KLHDC10: variants seen among roughly 807,000 people sequenced by gnomAD.
KLHDC10 encodes kelch domain-containing protein 10.
A neutral mutation model predicts 56.1 loss-of-function variants in KLHDC10; 24 were observed. That is an observed-to-expected ratio of 0.43 (90% CI 0.31 to 0.60). The LOEUF (loss-of-function observed/expected upper bound fraction) is 0.60, where lower values mean the gene tolerates loss of function less well. KLHDC10 is among the 20% of genes least tolerant of loss of function. The pLI, the probability that KLHDC10 is intolerant of heterozygous loss-of-function variation, is 0.11. For synonymous variants in KLHDC10, 188 were observed against 207.1 expected, an observed-to-expected ratio of 0.91 and a Z score of 0.79; for missense variants, 349 against 567.0, an observed-to-expected ratio of 0.62 and a Z score of 3.91.
intron 1 of KLHDC10, among the ~76,000 whole-genome samples, chr7:130,083,117 T>A (rs1795631695): frequency 6.6e-6 from 1 of 152,244 alleles, no homozygotes; most frequent in South Asian, 2.1e-4. Flanking sequence ...AACTGACTTA[T>A]GAGTACCTCA....
chr7:130,074,853 C>T (rs990212397), intron 1 of KLHDC10, among the ~76,000 whole-genome samples: 1 of 152,118 alleles, frequency 6.6e-6, no homozygotes, highest in Admixed American at 6.6e-5. Flanking sequence ...TTGTGATCCA[C>T]CCACCTTGGC....
Position 130,130,277 on chromosome 7 carries a change from G to A in KLHDC10, c.1120-260G>A, listed in dbSNP as rs1353535416. The stretch of plus-strand genomic sequence containing the variant: ...GGAGAGCTTGCAGTGAGCTGAAATT[G>A]CGCCACTGCACTCCAGCCTGGGCGA... On this transcript the variant is annotated intron_variant, in intron 9 of 9. Transcript: ENST00000335420. This position sits in a 1 kb window ranked among gnomAD's most constrained non-coding sequence, Gnocchi z 4.2. Among the ~76,000 whole-genome samples the A allele has an allele frequency of 6.7e-6, 1 of 149,804 alleles. No individual in the cohort carries two copies. The highest frequency in any genetic ancestry group is 1.5e-5 in the Non-Finnish European group (1 of 67,784).
In KLHDC10 at chr7:130,130,142, C is replaced by G. The variant is rs1339494869; in HGVS notation, c.1120-395C>G. ...CCATCCTGGCTAACACGGATGAAACCCCATCTCTACTAAAAATACAAAAAA... is the reference window on the plus strand; with the variant it reads ...CCATCCTGGCTAACACGGATGAAACGCCATCTCTACTAAAAATACAAAAAA... On this transcript the variant is annotated intron_variant, in intron 9 of 9. Transcript: ENST00000335420. This position sits in a 1 kb window ranked among gnomAD's most constrained non-coding sequence, Gnocchi z 4.2. 7.3e-5 allele frequency among the ~76,000 whole-genome samples: 11 copies of G among 151,722 alleles called. No individual in the cohort carries two copies. Among genetic ancestry groups the G allele is most frequent in the Non-Finnish European group, 1.5e-4 (10 of 67,956 alleles).
intron 1 of KLHDC10, among the ~76,000 whole-genome samples, chr7:130,088,167 C>A (rs1267123515): frequency 2.0e-5 from 3 of 152,076 alleles, no homozygotes; most frequent in Non-Finnish European, 4.4e-5. Context: ...CCAATATAAG[C>A]TTTTATATCC....
At chr7:130,112,801 TGA>T (rs1453095951) in intron 2 of KLHDC10, among the ~76,000 whole-genome samples, 1 of 152,152 alleles carries the variant, frequency 6.6e-6, no homozygotes, top group African/African-American at 2.4e-5. Flanking sequence ...CTCTCAGCTA[TGA>T]GATTCCTTGA....
intron 8 of KLHDC10, among the ~76,000 whole-genome samples, chr7:130,128,889 A>AAAAAAAAAAAAAAATATATATATATAT: frequency 7.5e-5 from 5 of 66,954 alleles, no homozygotes; most frequent in South Asian, 5.5e-4. Flanking sequence ...AAAAAAAAAA[A>AAAAAAAAAAAAAAATATATATATATAT]ATATATATAT....
chr7:130,099,146 A>G (rs1795895526), intron 2 of KLHDC10, among the ~76,000 whole-genome samples: 1 of 151,744 alleles, frequency 6.6e-6, no homozygotes, highest in African/African-American at 2.4e-5. Context: ...TTTTCTTCCT[A>G]CCTCTTTGAT....
Position 130,101,269 on chromosome 7 carries a change from A to G in KLHDC10, c.253+4262A>G, listed in dbSNP as rs576252823. Among the ~76,000 whole-genome samples, 8 of 152,286 alleles carry G rather than the reference A, an allele frequency of 5.3e-5. No individual in the cohort carries two copies. In the South Asian group the frequency reaches 1.7e-3, roughly 32 times the overall value. On this transcript the variant is annotated intron_variant, in intron 2 of 9. Coordinates refer to ENST00000335420, the MANE Select transcript of KLHDC10 (RefSeq NM_014997.4). ...TGTTGAATTAGTGCTAGCTATCATT[A>G]TTGTTATTGTTAGAATGCCAGAAGT...
rs370620609 is a variant in KLHDC10 at position 130,102,271 on chromosome 7, G to T, written c.253+5264G>T. On this transcript the variant is annotated intron_variant, in intron 2 of 9. Coordinates refer to ENST00000335420, the MANE Select transcript of KLHDC10 (RefSeq NM_014997.4). ...ACAGACCTTCCATTTGGGTTTTGGA[G>T]GCAAATTAATACAACTGTTGAGGAA... Among the ~76,000 whole-genome samples, 584 of 152,244 alleles carry T rather than the reference G, an allele frequency of 3.8e-3. 5 individuals carry two copies. Among genetic ancestry groups the T allele is most frequent in the South Asian group, 0.013 (64 of 4,824 alleles).
chr7:130,114,659 G>C (rs1374964130), intron 2 of KLHDC10, among the ~76,000 whole-genome samples: 1 of 152,006 alleles, frequency 6.6e-6, no homozygotes, highest in Non-Finnish European at 1.5e-5. Flanking sequence ...ACTGATTATA[G>C]TTTGCCTGAT....
At chr7:130,129,242 G>C (rs1796363156) in intron 8 of KLHDC10, among the ~76,000 whole-genome samples, 195 bp from the exon 9 acceptor site, 1 of 152,104 alleles carries the variant, frequency 6.6e-6, no homozygotes, top group Admixed American at 6.5e-5. Context: ...TCCCAGGGAA[G>C]ACCCTGACAT....
intron 1 of KLHDC10, among the ~76,000 whole-genome samples, chr7:130,087,531 A>G (rs1476930355): frequency 1.3e-5 from 2 of 152,194 alleles, no homozygotes; most frequent in African/African-American, 2.4e-5. Flanking sequence ...ACTCACAAAA[A>G]AATGAGATAA....
chr7:130,088,090 A>C (rs1795716915), intron 1 of KLHDC10, among the ~76,000 whole-genome samples: 1 of 152,126 alleles, frequency 6.6e-6, no homozygotes, highest in Non-Finnish European at 1.5e-5. Flanking sequence ...AACTTTTAAA[A>C]TATCAGATAT....
chr7:130,123,063 C>G (rs924761338), intron 5 of KLHDC10, among the ~76,000 whole-genome samples: 1 of 144,360 alleles, frequency 6.9e-6, no homozygotes, highest in African/African-American at 2.7e-5. Flanking sequence ...ATGGAAAGGT[C>G]ATTCATTTTA....
chr7:130,093,488 A>G (rs536620228), intron 1 of KLHDC10, among the ~76,000 whole-genome samples: 336 of 152,220 alleles, frequency 2.2e-3, no homozygotes, highest in African/African-American at 7.5e-3. Flanking sequence ...AGCCTCCCAA[A>G]GTGCTGGGAG....
intron 9 of KLHDC10, 114 bp downstream of exon 9, chr7:130,129,690 C>A: frequency 1.0e-6 from 1 of 961,952 alleles, no homozygotes; most frequent in Non-Finnish European, 1.5e-6. Flanking sequence ...TGATTAATAA[C>A]ATATTTTTAA....
At chr7:130,077,774 C>G (rs1277475459) in intron 1 of KLHDC10, among the ~76,000 whole-genome samples, 2 of 151,940 alleles carry the variant, frequency 1.3e-5, no homozygotes, top group African/African-American at 2.4e-5. Context: ...CCAGGATGGT[C>G]TCGATCTCCT....
intron 1 of KLHDC10, among the ~76,000 whole-genome samples, chr7:130,077,810 C>T (rs1795536068): frequency 6.6e-6 from 1 of 151,838 alleles, no homozygotes; most frequent in South Asian, 2.1e-4. Context: ...CGGCCTCGGC[C>T]TCCCAAAGTG....
At chr7:130,122,278 A>G (rs1385042501) in intron 5 of KLHDC10, 76 bp downstream of exon 5, 1 of 1,414,630 alleles carries the variant, frequency 7.1e-7, no homozygotes, top group Admixed American at 2.1e-5. Context: ...GGCAATATGA[A>G]GAAAACCCTT....
Sources: gnomAD v4.1 joint callset for allele counts (sites outside exome capture counted in the v4.1 genomes callset) on GRCh38, gnomAD v4.1.1 for gene constraint, Gnocchi (gnomAD v3.1) non-coding constraint, MANE v1.5 for transcripts, NCBI Gene and HGNC (gene_info 2026-07-23, HGNC 2026-07-21) for gene names.